The following ANO4 variants were observed in gnomAD, a reference collection of about 807,000 sequenced individuals.
ANO4 encodes anoctamin-4.
A neutral mutation model predicts 141.9 loss-of-function variants in ANO4; 69 were observed. The ratio of observed to expected loss-of-function variants is 0.49; its 90% CI spans 0.40 to 0.59. The LOEUF (loss-of-function observed/expected upper bound fraction) is 0.59. ANO4 is among the 20% of genes least tolerant of loss of function. The pLI is 0.00. For missense variants in ANO4, 894 were observed against 1,162.2 expected, an observed-to-expected ratio of 0.77 and a Z score of 3.36; for synonymous variants, 350 against 394.3, an observed-to-expected ratio of 0.89 and a Z score of 1.33.
At chr12:100,791,889 G>T (rs1363773459), upstream of ANO4, among the ~76,000 whole-genome samples, 1 of 152,332 alleles carries the variant, frequency 6.6e-6, no homozygotes, top group South Asian at 2.1e-4. Flanking sequence ...ACATGGTGGG[G>T]TTTAGTTATT....
chr12:100,991,514 A>T (rs1318572508), intron 8 of ANO4, among the ~76,000 whole-genome samples: 1 of 3,774 alleles, frequency 2.6e-4, no homozygotes, highest in Admixed American at 2.9e-3. Context: ...TGAAAATAGT[A>T]AAAAAAAAAA....
intron 1 of ANO4, among the ~76,000 whole-genome samples, chr12:100,883,402 A>G (rs2135963446): frequency 6.6e-6 from 1 of 152,360 alleles, no homozygotes; most frequent in African/African-American, 2.4e-5. Context: ...TAGTAAACAA[A>G]TGTATCTGTG....
At chr12:100,942,272 C>T (rs2042554075) in intron 4 of ANO4, 105 bp from the exon 5 acceptor site, 2 of 1,355,726 alleles carry the variant, frequency 1.5e-6, no homozygotes, top group Non-Finnish European at 2.0e-6. Flanking sequence ...AGCCACCGCA[C>T]CCGAACTGAA....
intron 3 of ANO4, among the ~76,000 whole-genome samples, chr12:100,750,303 T>A (rs1249511174): frequency 2.0e-5 from 3 of 151,362 alleles, no homozygotes; most frequent in East Asian, 1.9e-4. Context: ...GGCTAATTTT[T>A]TTTTTTTTTT....
intron 1 of ANO4, among the ~76,000 whole-genome samples, chr12:100,825,075 G>A (rs567429134): frequency 1.6e-4 from 25 of 151,934 alleles, no homozygotes; most frequent in African/African-American, 4.8e-4. Context: ...TCTTTTTACC[G>A]TGGTATCATC....
intron 3 of ANO4, among the ~76,000 whole-genome samples, chr12:100,933,291 C>T (rs188191759): frequency 1.5e-4 from 23 of 152,032 alleles, no homozygotes; most frequent in Non-Finnish European, 2.2e-4. Flanking sequence ...CACAACAGGC[C>T]CCGGTGTGTG....
chr12:100,983,014 AT>A (rs2044551265), intron 7 of ANO4, among the ~76,000 whole-genome samples: 1 of 152,214 alleles, frequency 6.6e-6, no homozygotes, highest in Admixed American at 6.5e-5. Flanking sequence ...CTTGAATCTT[AT>A]GCTTTCCAGC....
chr12:100,893,557 A>G (rs2040206059), intron 1 of ANO4, among the ~76,000 whole-genome samples: 1 of 152,126 alleles, frequency 6.6e-6, no homozygotes, highest in African/African-American at 2.4e-5. Flanking sequence ...TTATGATAAT[A>G]GCAGAAGCAA....
intron 2 of ANO4, among the ~76,000 whole-genome samples, chr12:100,921,605 T>C (rs1355711545): frequency 6.6e-6 from 1 of 152,110 alleles, no homozygotes; most frequent in Non-Finnish European, 1.5e-5. Context: ...GTTCTATAGG[T>C]GTATGGAGCA....
chr12:100,991,877 C>T (rs895948109), intron 8 of ANO4, among the ~76,000 whole-genome samples: 15 of 152,078 alleles, frequency 9.9e-5, no homozygotes, highest in Non-Finnish European at 2.1e-4. Flanking sequence ...GCTGACTGCA[C>T]ACTCATCTCA....
chr12:100,861,925 A>G (rs1212189251), intron 1 of ANO4, among the ~76,000 whole-genome samples: 1 of 152,176 alleles, frequency 6.6e-6, no homozygotes, highest in African/African-American at 2.4e-5. Flanking sequence ...GAACATTAGT[A>G]TCACTGTCTT....
chr12:100,930,611 T>A (rs73391754), intron 3 of ANO4, among the ~76,000 whole-genome samples: 3,042 of 152,208 alleles, frequency 0.02, 113 homozygotes, highest in African/African-American at 0.07. Flanking sequence ...TCTCATGACT[T>A]TTTGTTTGTT....
intron 3 of ANO4, among the ~76,000 whole-genome samples, chr12:100,761,281 A>G (rs1197408945): frequency 6.6e-6 from 1 of 152,154 alleles, no homozygotes; most frequent in Admixed American, 6.6e-5. Flanking sequence ...GGTGATTTCC[A>G]GTGGATCCTT....
intron 3 of ANO4, among the ~76,000 whole-genome samples, chr12:100,741,909 G>A (rs146816846): frequency 6.6e-6 from 1 of 152,192 alleles, no homozygotes; most frequent in African/African-American, 2.4e-5. Flanking sequence ...GGTGTGAAAT[G>A]GCAGCTGCCA....
intron 1 of ANO4, among the ~76,000 whole-genome samples, chr12:100,820,415 A>G (rs946811360): frequency 2.0e-5 from 3 of 151,206 alleles, no homozygotes; most frequent in African/African-American, 7.3e-5. Context: ...ATGAGAATTG[A>G]CAGAGCACAA....
At chr12:101,008,543 A>G (rs1214399355) in intron 8 of ANO4, among the ~76,000 whole-genome samples, 4 of 152,172 alleles carry the variant, frequency 2.6e-5, no homozygotes, top group African/African-American at 9.7e-5. Flanking sequence ...CATAATGTAG[A>G]TCACTATTTA....
chr12:100,911,776 AAAG>A (rs1368016237), intron 2 of ANO4, among the ~76,000 whole-genome samples: 1 of 152,182 alleles, frequency 6.6e-6, no homozygotes, highest in African/African-American at 2.4e-5. Context: ...GAGACTTTTA[AAAG>A]AAGAAGGACA....
chr12:100,758,477 G>A (rs1285413337), intron 3 of ANO4, among the ~76,000 whole-genome samples: 1 of 152,186 alleles, frequency 6.6e-6, no homozygotes, highest in Non-Finnish European at 1.5e-5. Flanking sequence ...GGAGAGAATT[G>A]CTGGGGATGT....
chr12:100,997,205 G>A (rs988107839), intron 8 of ANO4, among the ~76,000 whole-genome samples: 6 of 151,572 alleles, frequency 4.0e-5, no homozygotes, highest in African/African-American at 1.5e-4. Context: ...GTGGTTGCGC[G>A]TGCCTTTAAT....
Sources: allele counts gnomAD v4.1 joint callset (sites outside exome capture counted in the v4.1 genomes callset), GRCh38; gene constraint gnomAD v4.1.1; transcripts MANE v1.5; gene names NCBI Gene and HGNC (gene_info 2026-07-23, HGNC 2026-07-21).